The following DGKI variants were observed in gnomAD, a reference collection of about 807,000 sequenced individuals.
DGKI encodes diacylglycerol kinase iota.
In DGKI, 55 loss-of-function variants were observed where a neutral mutation model predicts 147.5. The ratio of observed to expected loss-of-function variants is 0.37; its 90% CI spans 0.30 to 0.47. The LOEUF (loss-of-function observed/expected upper bound fraction) is 0.47. Ranked by LOEUF, DGKI falls within the 20% of genes least tolerant of loss-of-function variation. The pLI is 1.00. For synonymous variants in DGKI, 469 were observed against 477.1 expected (o/e 0.98, Z 0.22); for missense variants, 1,007 against 1,323.8 (o/e 0.76, Z 3.71).
At chr7:137,571,045 A>G (rs1280835738) in intron 19 of DGKI, 130 bp downstream of exon 19, 2 of 623,874 alleles carry the variant, frequency 3.2e-6, no homozygotes, top group Non-Finnish European at 5.2e-6. Flanking sequence ...TGTTTTTCCT[A>G]AGCAACTCTA....
chr7:137,481,320 G>C (rs181770444), intron 23 of DGKI, among the ~76,000 whole-genome samples: 2 of 152,244 alleles, frequency 1.3e-5, no homozygotes, highest in East Asian at 3.9e-4. Flanking sequence ...GATTTCGAGG[G>C]AGGAAGCAGA....
chr7:137,409,937 A>G (rs1256726779), intron 29 of DGKI, among the ~76,000 whole-genome samples: 1 of 152,070 alleles, frequency 6.6e-6, no homozygotes, highest in East Asian at 1.9e-4. Flanking sequence ...AAACATATAC[A>G]CATGTATCCC....
At position 137,678,605 on chromosome 7, in the gene DGKI, C is replaced by T. The variant is rs374229914; in HGVS notation, c.558G>A (p.Ser186=). 2.3e-5 allele frequency: 37 copies of T among 1,614,106 alleles called. No individual in the cohort carries two copies. Among genetic ancestry groups the T allele is most frequent in the African/African-American group, 4.0e-5 (3 of 75,014 alleles). Residue 186 remains serine, a synonymous_variant, in exon 3 of 33, where the codon TCG becomes TCA. Transcript: ENST00000614521. ...GEHLWLETNV[S]GDLCYLGEEN... is the part of the protein sequence containing the mutation. Reference sequence around the variant, plus strand: ...CCTCTCCAAGGTAGCAGAGGTCTCCCGAGACGTTGGTCTCCAGCCACAGGT... The same window carrying T: ...CCTCTCCAAGGTAGCAGAGGTCTCCTGAGACGTTGGTCTCCAGCCACAGGT...
Position 137,763,333 on chromosome 7 carries a change from C to G in DGKI, c.402-73331G>C, listed in dbSNP as rs535369244. On this transcript the variant is annotated intron_variant, in intron 1 of 32. Transcript: ENST00000614521. ...AGGAAGCTACGGGTGTGAACTGACA[C>G]ACACCTCAAATGTCTCGCAGGATCC... Among the ~76,000 whole-genome samples, 10 of 152,318 alleles carry G rather than the reference C, an allele frequency of 6.6e-5. No individual in the cohort carries two copies. In the South Asian group the frequency reaches 2.1e-3, roughly 32 times the overall value.
At chr7:137,628,288 C>A (rs1821013763) in intron 6 of DGKI, among the ~76,000 whole-genome samples, 1 of 152,188 alleles carries the variant, frequency 6.6e-6, no homozygotes, top group Non-Finnish European at 1.5e-5. Context: ...GGGCACTGGG[C>A]ACTACACTTA....
intron 1 of DGKI, among the ~76,000 whole-genome samples, chr7:137,807,303 A>AT (rs1563206627): frequency 2.6e-5 from 4 of 152,236 alleles, no homozygotes; most frequent in Admixed American, 2.0e-4. Flanking sequence ...TGCCTGGAAA[A>AT]TGTCTAATGG....
intron 1 of DGKI, among the ~76,000 whole-genome samples, chr7:137,691,795 T>C (rs1266137181): frequency 7.2e-6 from 1 of 138,836 alleles, no homozygotes; most frequent in South Asian, 2.3e-4. Context: ...TCTAGACCTT[T>C]GGGTTTTTTT....
At chr7:137,729,896 T>G (rs1794821520) in intron 1 of DGKI, among the ~76,000 whole-genome samples, 1 of 152,096 alleles carries the variant, frequency 6.6e-6, no homozygotes, top group Admixed American at 6.6e-5. Flanking sequence ...AAAAGAGGAT[T>G]CATCTTGCTC....
At chr7:137,834,514 T>C (rs1421414628) in intron 1 of DGKI, among the ~76,000 whole-genome samples, 1 of 152,218 alleles carries the variant, frequency 6.6e-6, no homozygotes, top group Non-Finnish European at 1.5e-5. Context: ...TTTTAGTTCC[T>C]GGAAGAGGTA....
chr7:137,633,512 T>C (rs1253444519), intron 6 of DGKI, among the ~76,000 whole-genome samples: 1 of 152,214 alleles, frequency 6.6e-6, no homozygotes, highest in Non-Finnish European at 1.5e-5. Context: ...ACGATGGTAT[T>C]GTGTTTACAT....
intron 23 of DGKI, among the ~76,000 whole-genome samples, chr7:137,473,600 A>G (rs1815062226): frequency 6.6e-6 from 1 of 152,158 alleles, no homozygotes; most frequent in African/African-American, 2.4e-5. Flanking sequence ...TGAGAATAGG[A>G]ATCACCAATG....
At chr7:137,632,613 T>C (rs375792734) in intron 6 of DGKI, among the ~76,000 whole-genome samples, 15 of 151,870 alleles carry the variant, frequency 9.9e-5, no homozygotes, top group East Asian at 3.9e-4. Context: ...AATCCCAGCA[T>C]TTTGGGAGGC....
At chr7:137,804,359 T>C (rs1797300857) in intron 1 of DGKI, among the ~76,000 whole-genome samples, 1 of 152,184 alleles carries the variant, frequency 6.6e-6, no homozygotes, top group African/African-American at 2.4e-5. Context: ...GGCATATAAA[T>C]ATAGGCTAGT....
rs1028234098 is a variant in DGKI at position 137,767,391 on chromosome 7, G to A, written c.402-77389C>T. ...CAGAATGTAGGTCAAAGGTAATGAAGAGATAAAGGTAAGAAAATTAGAGGA... is the reference window on the plus strand; with the variant it reads ...CAGAATGTAGGTCAAAGGTAATGAAAAGATAAAGGTAAGAAAATTAGAGGA... On this transcript the variant is annotated intron_variant, in intron 1 of 32. Coordinates refer to ENST00000614521, the MANE Select transcript of DGKI (RefSeq NM_001321708.2). Among the ~76,000 whole-genome samples the A allele has an allele frequency of 2.6e-5, 4 of 151,824 alleles. No individual in the cohort carries two copies. The South Asian group carries it at 8.3e-4, about 32-fold the overall frequency.
intron 13 of DGKI, among the ~76,000 whole-genome samples, chr7:137,585,822 C>T (rs1478154189): frequency 2.0e-5 from 3 of 152,120 alleles, no homozygotes; most frequent in Non-Finnish European, 2.9e-5. Context: ...CCATTCTTCC[C>T]GTGACCTGAA....
intron 19 of DGKI, among the ~76,000 whole-genome samples, chr7:137,565,221 G>C (rs186288969): frequency 1.7e-4 from 26 of 151,994 alleles, no homozygotes; most frequent in Middle Eastern, 3.4e-3. Context: ...ACATAAATTA[G>C]GCTATATTTA....
At chr7:137,496,081 C>T (rs1233163632) in intron 21 of DGKI, among the ~76,000 whole-genome samples, 1 of 152,070 alleles carries the variant, frequency 6.6e-6, no homozygotes, top group Non-Finnish European at 1.5e-5. Context: ...CCCAAAATCT[C>T]CTTTTTCTGA....
chr7:137,786,816 A>G lies in DGKI; in HGVS notation c.401+59646T>C, dbSNP rs548611013. Among the ~76,000 whole-genome samples the G allele has an allele frequency of 1.1e-4, 16 of 152,260 alleles. No homozygotes were observed. The South Asian group carries it at 3.1e-3, about 30-fold the overall frequency. On this transcript the variant is annotated intron_variant, in intron 1 of 32. Coordinates refer to ENST00000614521, the MANE Select transcript of DGKI (RefSeq NM_001321708.2). Reference sequence around the variant, plus strand: ...AGCAGAATAGAGAACCCAGAAATAAAGCCAAATACTTACAGCCAACTGATC... The same window carrying G: ...AGCAGAATAGAGAACCCAGAAATAAGGCCAAATACTTACAGCCAACTGATC...
In DGKI at chr7:137,587,410, C is replaced by T. The variant is rs1469906837; in HGVS notation, c.1312-200G>A. On this transcript the variant is annotated intron_variant, in intron 12 of 32. Coordinates refer to ENST00000614521, the MANE Select transcript of DGKI (RefSeq NM_001321708.2). ...TACAAAATGGTTAAAGGAAAAAGGACCATTTTGCACATGTTCTATCACACA... is the reference window on the plus strand; with the variant it reads ...TACAAAATGGTTAAAGGAAAAAGGATCATTTTGCACATGTTCTATCACACA... 3.3e-5 allele frequency among the ~76,000 whole-genome samples: 5 copies of T among 152,128 alleles called. 1 individual carries two copies. In the East Asian group the frequency reaches 9.6e-4, roughly 29 times the overall value.
Sources: allele counts gnomAD v4.1 joint callset (sites outside exome capture counted in the v4.1 genomes callset), GRCh38; gene constraint gnomAD v4.1.1; transcripts MANE v1.5; gene names NCBI Gene and HGNC (gene_info 2026-07-23, HGNC 2026-07-21).